SLC6A17: variants seen among roughly 807,000 people sequenced by gnomAD.
SLC6A17 encodes the protein solute carrier family 6 member 17.
SLC6A17 carries 21 observed loss-of-function variants against 64.5 expected under a neutral mutation model. That is an observed-to-expected ratio of 0.33 (90% CI 0.23 to 0.47). The LOEUF is 0.47. Ranked by LOEUF, SLC6A17 falls within the 20% of genes least tolerant of loss-of-function variation. The pLI is 1.00. For synonymous variants in SLC6A17, 372 were observed against 399.5 expected (o/e 0.93, Z 0.82); for missense variants, 682 against 963.2 (o/e 0.71, Z 3.86).
In SLC6A17 at chr1:110,200,156, G is replaced by A. The variant is rs777564117; in HGVS notation, c.*1712G>A. 2 of 398,284 alleles carry A rather than the reference G, an allele frequency of 5.0e-6. No individual in the cohort carries two copies. Among genetic ancestry groups the A allele is most frequent in the Non-Finnish European group, 8.8e-6 (2 of 226,036 alleles). The allele number at this position is 398,284 out of a possible 1,614,324, so 24.7% of individuals were successfully genotyped here. A position where few individuals can be genotyped will look rare whatever the true frequency, so the allele number is the denominator to read the frequency against. ...ACCTGGAGGGACAGACCAGAATCAG[G>A]GTCCCCTCCTTTACCCCTGAGTTCC... On this transcript the variant is annotated 3_prime_UTR_variant, in exon 12 of 12. Coordinates refer to ENST00000331565, the MANE Select transcript of SLC6A17 (RefSeq NM_001010898.4).
chr1:110,192,843 G>A lies in SLC6A17; in HGVS notation c.1299+145G>A. On this transcript the variant is annotated intron_variant, in intron 8 of 11. Transcript: ENST00000331565. This position sits in a 1 kb window ranked among gnomAD's most constrained non-coding sequence, Gnocchi z 4.3. ...CAAGGATCTGCTGTGTGTCCAGAGG[G>A]AGTGAAAGGGAAGAAAGGTATTGGC... is the stretch of plus-strand genomic sequence containing the variant. The A allele has an allele frequency of 1.0e-6, 1 of 988,206 alleles. No homozygotes were observed. The highest frequency in any genetic ancestry group is 1.4e-6 in the Non-Finnish European group (1 of 696,028). The allele number at this position is 988,206 out of a possible 1,614,324, so 61.2% of individuals were successfully genotyped here.
At chr1:110,183,217 A>T (rs987104109) in intron 6 of SLC6A17, among the ~76,000 whole-genome samples, 6 of 152,238 alleles carry the variant, frequency 3.9e-5, no homozygotes, top group Admixed American at 1.3e-4. Flanking sequence ...TAGAAACAAC[A>T]CAATGTCCAT....
At chr1:110,159,457 A>G (rs974394154) in intron 1 of SLC6A17, among the ~76,000 whole-genome samples, 1 of 152,124 alleles carries the variant, frequency 6.6e-6, no homozygotes, top group South Asian at 2.1e-4. Flanking sequence ...GACAAAGAAA[A>G]CAAGATATTG....
chr1:110,177,637 G>A (rs926796667), intron 6 of SLC6A17: 1 of 152,282 alleles, frequency 6.6e-6, no homozygotes, highest in African/African-American at 2.4e-5. Flanking sequence ...CTGATCAGTA[G>A]CAACCAGCAG....
In SLC6A17 at chr1:110,197,547, T is replaced by G. The variant is rs145509840; in HGVS notation, c.1763T>G (p.Ile588Ser). The change falls in exon 11 of 12, where the codon ATC becomes AGC. Residue 588 changes from isoleucine (I) to serine (S), a missense_variant. Physicochemically the swap from Ile to Ser is moderately radical, Grantham distance 142 (BLOSUM62 -2). Coordinates refer to ENST00000331565, the MANE Select transcript of SLC6A17 (RefSeq NM_001010898.4). ...ATGGCTGTGCTCACCACAGCCAGCA[T>G]CATCCAGCTGGGGGTCACGCCCCCG... ...LCMAVLTTAS[I>S]IQLGVTPPGY... 35 of 1,613,040 alleles carry G rather than the reference T, an allele frequency of 2.2e-5. No homozygotes were observed. In the African/African-American group the frequency reaches 3.6e-4, roughly 17 times the overall value.
At chr1:110,172,651 C>G (rs559880980) in intron 3 of SLC6A17, among the ~76,000 whole-genome samples, 1 of 152,268 alleles carries the variant, frequency 6.6e-6, no homozygotes, top group South Asian at 2.1e-4. Context: ...AAAGGCAGGC[C>G]TGGGGCTCAG....
intron 1 of SLC6A17, among the ~76,000 whole-genome samples, chr1:110,162,193 G>C (rs772640911): frequency 7.2e-6 from 1 of 138,162 alleles, no homozygotes; most frequent in South Asian, 2.1e-4. Context: ...CAGCTACTAA[G>C]GGGGGGATAA....
intron 1 of SLC6A17, among the ~76,000 whole-genome samples, chr1:110,165,082 T>C (rs775227735): frequency 2.6e-5 from 4 of 152,176 alleles, no homozygotes; most frequent in African/African-American, 9.6e-5. Flanking sequence ...ATGTAAGCTG[T>C]AGGGGACGGG....
chr1:110,194,645 C>A lies in SLC6A17; in HGVS notation c.1366C>A (p.Pro456Thr), dbSNP rs1372415840. ...GGCCATGACGCACTTCCCCGCCTCC[C>A]CGTTCTGGTCCGTCATGTTCTTCTT... ...TEAMTHFPAS[P>T]FWSVMFFLML... Residue 456 changes from proline to threonine, a missense_variant, in exon 9 of 12, where the codon CCG (proline) becomes ACG (threonine). Physicochemically the swap from Pro to Thr is conservative, Grantham distance 38. This residue lies in a region of SLC6A17 where 415 missense variants were observed against 603.8 expected (regional missense o/e 0.69). Transcript: ENST00000331565. 1 of 1,614,080 alleles carries A rather than the reference C, an allele frequency of 6.2e-7. No individual in the cohort carries two copies.
chr1:110,154,887 G>T (rs1655715198), intron 1 of SLC6A17, among the ~76,000 whole-genome samples: 1 of 152,228 alleles, frequency 6.6e-6, no homozygotes, highest in African/African-American at 2.4e-5. Context: ...TACAGCAGCT[G>T]CTGGCAGGGC....
At chr1:110,183,398 A>G (rs1401022638) in intron 6 of SLC6A17, among the ~76,000 whole-genome samples, 1 of 152,234 alleles carries the variant, frequency 6.6e-6, no homozygotes, top group Non-Finnish European at 1.5e-5. Context: ...GTCCAATGAT[A>G]TGAAATGTCC....
intron 6 of SLC6A17, among the ~76,000 whole-genome samples, chr1:110,181,967 C>T (rs1014030127): frequency 1.5e-4 from 23 of 152,228 alleles, no homozygotes; most frequent in African/African-American, 5.5e-4. Context: ...AGGGAGCCAT[C>T]GAGAGTTCTC....
chr1:110,181,128 T>C (rs1656512696), intron 6 of SLC6A17, among the ~76,000 whole-genome samples: 1 of 152,208 alleles, frequency 6.6e-6, no homozygotes, highest in Non-Finnish European at 1.5e-5. Flanking sequence ...TTTCTCCTGA[T>C]TACTTTCTTT....
chr1:110,174,599 G>A (rs1656321615), intron 4 of SLC6A17, among the ~76,000 whole-genome samples, 180 bp from the exon 5 acceptor site: 1 of 152,176 alleles, frequency 6.6e-6, no homozygotes, highest in Non-Finnish European at 1.5e-5. Context: ...GACCCCAGTG[G>A]GAGCCTAGGA....
intron 1 of SLC6A17, among the ~76,000 whole-genome samples, chr1:110,164,893 G>T (rs1490165954): frequency 6.6e-6 from 1 of 152,126 alleles, no homozygotes; most frequent in Non-Finnish European, 1.5e-5. Context: ...AAACTCCCTT[G>T]GTTTTCTCTA....
intron 1 of SLC6A17, among the ~76,000 whole-genome samples, chr1:110,160,855 C>T (rs573463722): frequency 6.6e-6 from 1 of 152,158 alleles, no homozygotes; most frequent in South Asian, 2.1e-4. Flanking sequence ...AGTGGGGTGG[C>T]GTGGCATTTC....
intron 1 of SLC6A17, among the ~76,000 whole-genome samples, chr1:110,154,513 G>A (rs1039140050): frequency 1.4e-4 from 21 of 152,156 alleles, no homozygotes; most frequent in Admixed American, 3.3e-4. Flanking sequence ...ATAACCAAAC[G>A]TCCAAGGTTT....
At chr1:110,159,267 G>C (rs1478856271) in intron 1 of SLC6A17, among the ~76,000 whole-genome samples, 4 of 152,146 alleles carry the variant, frequency 2.6e-5, no homozygotes, top group Non-Finnish European at 5.9e-5. Context: ...AGAATGCATG[G>C]GTTGGGGGGG....
rs754583990 is a variant in SLC6A17, at chr1:110,194,789, C to T, written c.1492+18C>T. The T allele has an allele frequency of 2.5e-6, 4 of 1,609,940 alleles. No individual in the cohort carries two copies. In the South Asian group the frequency reaches 4.4e-5, roughly 18 times the overall value. ...GTTCACAGGTAACTCCTCCCTGCCCCCATGCCCAGGCTCTGCAGGCTGCCC... is the reference window on the plus strand; with the variant it reads ...GTTCACAGGTAACTCCTCCCTGCCCTCATGCCCAGGCTCTGCAGGCTGCCC... On this transcript the variant is annotated intron_variant, in intron 9 of 11. Transcript: ENST00000331565.
Sources: gnomAD v4.1 joint callset for allele counts (sites outside exome capture counted in the v4.1 genomes callset) on GRCh38, gnomAD v4.1.1 for gene constraint, gnomAD v4.1.1 regional missense constraint, Gnocchi (gnomAD v3.1) non-coding constraint, MANE v1.5 for transcripts, NCBI Gene and HGNC (gene_info 2026-07-23, HGNC 2026-07-21) for gene names.